VPS13C: variants seen among roughly 807,000 people sequenced by gnomAD.
VPS13C encodes the protein intermembrane lipid transfer protein VPS13C.
In VPS13C, 358 loss-of-function variants were observed where a neutral mutation model predicts 456.8. The observed-to-expected ratio is 0.78, with a 90% CI of 0.72 to 0.86. The LOEUF (loss-of-function observed/expected upper bound fraction) is 0.86, where lower values mean the gene tolerates loss of function less well. Ranked by LOEUF, VPS13C falls within the 40% of genes least tolerant of loss-of-function variation. VPS13C has a pLI of 0.00. For missense variants in VPS13C, 4,818 were observed against 4,385.4 expected (o/e 1.10, Z -2.79); for synonymous variants, 1,578 against 1,486.7 (o/e 1.06, Z -1.41).
intron 1 of VPS13C, among the ~76,000 whole-genome samples, chr15:62,051,165 C>T (rs2140779454): frequency 6.6e-6 from 1 of 152,254 alleles, no homozygotes; most frequent in African/African-American, 2.4e-5. Context: ...TAGGCTATAG[C>T]TTTCTTATGG....
chr15:61,988,081 TGG>T (rs2046112817), intron 18 of VPS13C, among the ~76,000 whole-genome samples: 2 of 152,186 alleles, frequency 1.3e-5, no homozygotes, highest in Admixed American at 6.5e-5. Context: ...ATACTCAACA[TGG>T]ATGAATATCA....
chr15:61,990,170 T>C (rs1377915408), intron 18 of VPS13C, among the ~76,000 whole-genome samples: 2 of 152,050 alleles, frequency 1.3e-5, no homozygotes, highest in African/African-American at 4.8e-5. Context: ...ATTAAAAATA[T>C]GCAAAACAAA....
intron 2 of VPS13C, 144 bp from the exon 3 acceptor site, chr15:62,041,510 G>A: frequency 1.3e-6 from 1 of 753,400 alleles, no homozygotes; most frequent in Non-Finnish European, 2.1e-6. Flanking sequence ...TAAAGGACAT[G>A]TTTTATAGCC....
At chr15:61,920,040 C>A in intron 57 of VPS13C, 27 bp downstream of exon 57, 8 of 1,548,140 alleles carry the variant, frequency 5.2e-6, no homozygotes, top group Non-Finnish European at 7.0e-6. Context: ...TGCTAAGATA[C>A]CCTTAAGGAA....
At chr15:62,035,633 T>C (rs2047968790) in intron 3 of VPS13C, among the ~76,000 whole-genome samples, 1 of 151,944 alleles carries the variant, frequency 6.6e-6, no homozygotes, top group African/African-American at 2.4e-5. Context: ...GCATACCAAA[T>C]TGTCACAACA....
Position 61,990,892 on chromosome 15 carries a change from G to T in VPS13C, c.1578+108C>A, listed in dbSNP as rs547070831. The T allele has an allele frequency of 7.1e-6, 5 of 707,374 alleles. No homozygotes were observed. In the Admixed American group the frequency reaches 1.5e-4, roughly 21 times the overall value. The allele number at this position is 707,374 out of a possible 1,614,324, so 43.8% of individuals were successfully genotyped here. The stretch of plus-strand genomic sequence containing the variant: ...AAACATTCAACCATTAAGTAGCAGA[G>T]TGGAATTAATAACATTTATATTACT... On this transcript the variant is annotated intron_variant, in intron 18 of 84. Transcript: ENST00000644861.
At chr15:62,000,026 T>C (rs1298031635) in intron 16 of VPS13C, among the ~76,000 whole-genome samples, 1 of 152,120 alleles carries the variant, frequency 6.6e-6, no homozygotes, top group Non-Finnish European at 1.5e-5. Context: ...AGATGTCTTT[T>C]ATTTACTTTC....
At chr15:61,907,494 G>T in intron 65 of VPS13C, 104 bp from the exon 66 acceptor site, 1 of 1,411,272 alleles carries the variant, frequency 7.1e-7, no homozygotes, top group Non-Finnish European at 9.5e-7. Flanking sequence ...CTACGAAATT[G>T]CTGTGGTTAA....
intron 66 of VPS13C, among the ~76,000 whole-genome samples, chr15:61,899,398 G>A (rs372614329): frequency 1.6e-4 from 24 of 150,914 alleles, no homozygotes; most frequent in Admixed American, 2.6e-4. Flanking sequence ...TCAAATAGAC[G>A]CAATAAAAAA....
Position 61,881,831 on chromosome 15 carries a change from GA to G in VPS13C, c.9625-4del, listed in dbSNP as rs1895880069. On this transcript the variant is annotated splice_polypyrimidine_tract_variant and splice_region_variant and intron_variant, in intron 69 of 84. Coordinates refer to ENST00000644861, the MANE Select transcript of VPS13C (RefSeq NM_020821.3). ...GCACCTGGTAACTGATTATCAACCT[GA>G]AAGAAAAGAAAACGAACTTATCAAG... 2.5e-6 allele frequency: 4 copies of G among 1,577,776 alleles called. No homozygotes were observed. The South Asian group carries it at 4.8e-5, about 19-fold the overall frequency.
intron 1 of VPS13C, among the ~76,000 whole-genome samples, chr15:62,054,575 G>A (rs1220096851): frequency 2.0e-5 from 3 of 152,118 alleles, no homozygotes; most frequent in Non-Finnish European, 4.4e-5. Flanking sequence ...CTGTCAGGAG[G>A]TGGGAGGCAA....
intron 42 of VPS13C, 21 bp downstream of exon 42, chr15:61,949,422 T>C (rs2044711416): frequency 1.9e-6 from 3 of 1,601,034 alleles, no homozygotes; most frequent in Admixed American, 1.8e-5. Context: ...TATTATTAGA[T>C]CATAATTCAA....
At chr15:61,919,638 AACAGTTT>A (rs966457355) in intron 57 of VPS13C, among the ~76,000 whole-genome samples, 189 bp from the exon 58 acceptor site, 1 of 151,912 alleles carries the variant, frequency 6.6e-6, no homozygotes, top group African/African-American at 2.4e-5. Context: ...TTTGGCTGAA[AACAGTTT>A]TGCTTGGGGT....
At chr15:61,856,180 T>C (rs1202246670) in intron 83 of VPS13C, 106 bp downstream of exon 83, 11 of 1,318,952 alleles carry the variant, frequency 8.3e-6, no homozygotes, top group African/African-American at 1.5e-5. Flanking sequence ...TCTCAGCATA[T>C]AGTAGTAATA....
chr15:61,960,267 T>C (rs1409489166), intron 35 of VPS13C, among the ~76,000 whole-genome samples: 1 of 152,120 alleles, frequency 6.6e-6, no homozygotes. Flanking sequence ...AAAACTACAG[T>C]AGTAGTCATG....
intron 22 of VPS13C, among the ~76,000 whole-genome samples, chr15:61,980,794 ATC>A (rs2045860480): frequency 1.3e-5 from 2 of 152,170 alleles, no homozygotes; most frequent in African/African-American, 4.8e-5. Flanking sequence ...GACTTGATGG[ATC>A]TTAAATTGAG....
intron 42 of VPS13C, 51 bp downstream of exon 42, chr15:61,949,392 A>G: frequency 6.3e-7 from 1 of 1,578,194 alleles, no homozygotes; most frequent in Non-Finnish European, 8.6e-7. Flanking sequence ...AAGTTGTTAT[A>G]TGATTATTAA....
intron 1 of VPS13C, among the ~76,000 whole-genome samples, chr15:62,057,585 G>A (rs2048843281): frequency 1.3e-5 from 2 of 152,220 alleles, no homozygotes; most frequent in Non-Finnish European, 1.5e-5. Context: ...GATAAAGCTA[G>A]GAGAATCCCT....
intron 9 of VPS13C, among the ~76,000 whole-genome samples, chr15:62,019,237 C>A (rs148150794): frequency 0.011 from 1,720 of 152,162 alleles, 36 homozygotes; most frequent in African/African-American, 0.04. Flanking sequence ...TTCAAAAAAC[C>A]AGCTCCTGGA....
Sources: allele counts gnomAD v4.1 joint callset (sites outside exome capture counted in the v4.1 genomes callset), GRCh38; gene constraint gnomAD v4.1.1; transcripts MANE v1.5; gene names NCBI Gene and HGNC (gene_info 2026-07-23, HGNC 2026-07-21).